DSCAML1: variants seen among roughly 807,000 people sequenced by gnomAD.
The protein encoded by DSCAML1 is cell adhesion molecule DSCAML1.
DSCAML1 carries 38 observed loss-of-function variants against 200.5 expected under a neutral mutation model. The observed-to-expected ratio is 0.19, with a 90% CI of 0.15 to 0.25. The LOEUF (loss-of-function observed/expected upper bound fraction) is 0.25, where lower values mean the gene tolerates loss of function less well. DSCAML1 is among the 10% of genes least tolerant of loss of function. The probability of loss-of-function intolerance (pLI) is 1.00; values close to 1 mark genes in which losing one functional copy is unlikely to be tolerated. For missense variants in DSCAML1, 2,223 were observed against 2,858.8 expected (o/e 0.78, Z 5.07); for synonymous variants, 1,215 against 1,165.0 (o/e 1.04, Z -0.87).
At chr11:117,539,464 C>T (rs530123318) in intron 3 of DSCAML1, among the ~76,000 whole-genome samples, 5 of 151,860 alleles carry the variant, frequency 3.3e-5, no homozygotes, top group Admixed American at 1.3e-4. Context: ...AAAAACTAGC[C>T]GGGCCTGGTG....
Position 117,439,926 on chromosome 11 carries a change from C to G in DSCAML1, c.3873G>C (p.Lys1291Asn). Residue 1291 changes from lysine to asparagine, a missense_variant, in exon 22 of 33, where the codon AAG becomes AAC. Coordinates refer to ENST00000651296, the MANE Select transcript of DSCAML1 (RefSeq NM_020693.4). The stretch of plus-strand genomic sequence containing the variant: ...TCACGGTGCCCCCAAAGGAGATGAT[C>G]TTTGCTGGGGCTACAGGGAGGAGAG... ...TIEPAGKAPAKIISFGGTVTT... is the reference protein window; with the variant it reads ...TIEPAGKAPANIISFGGTVTT... 1 of 1,614,068 alleles carries G rather than the reference C, an allele frequency of 6.2e-7. No individual in the cohort carries two copies. The highest frequency in any genetic ancestry group is 2.2e-5 in the East Asian group (1 of 44,876).
At chr11:117,600,897 A>G (rs1278648547) in intron 3 of DSCAML1, among the ~76,000 whole-genome samples, 1 of 152,300 alleles carries the variant, frequency 6.6e-6, no homozygotes, top group East Asian at 1.9e-4. Context: ...GGGAGGAAGC[A>G]TAGGGATCCC....
rs1028028477 is a variant in DSCAML1 at position 117,504,448 on chromosome 11, C to G, written c.2183-427G>C. Among the ~76,000 whole-genome samples the G allele has an allele frequency of 6.6e-5, 10 of 152,142 alleles. No homozygotes were observed. The highest frequency in any genetic ancestry group is 2.4e-4 in the African/African-American group (10 of 41,430). ...TCCTCCAAGGGGGCCTTGTGGGCAC[C>G]CCCTGTCCCTCCATTCCCCAGTGTC... On this transcript the variant is annotated intron_variant, in intron 10 of 32. Transcript: ENST00000651296. This position sits in a 1 kb window ranked among gnomAD's most constrained non-coding sequence, Gnocchi z 5.0.
At chr11:117,694,165 G>A (rs11600672) in intron 3 of DSCAML1, among the ~76,000 whole-genome samples, 10,721 of 151,244 alleles carry the variant, frequency 0.071, 403 homozygotes, top group East Asian at 0.14. Flanking sequence ...CACTTTGAGA[G>A]GCTGAGGTGG....
At chr11:117,559,129 A>AAAC (rs1298055256) in intron 3 of DSCAML1, among the ~76,000 whole-genome samples, 1 of 139,260 alleles carries the variant, frequency 7.2e-6, no homozygotes, top group South Asian at 2.6e-4. Flanking sequence ...AAAGACAGAA[A>AAAC]AACAGACACA....
At chr11:117,654,071 T>A (rs1353087653) in intron 3 of DSCAML1, among the ~76,000 whole-genome samples, 1 of 152,242 alleles carries the variant, frequency 6.6e-6, no homozygotes, top group Non-Finnish European at 1.5e-5. Flanking sequence ...AACATTATGC[T>A]AAGTGAAAGA....
intron 3 of DSCAML1, among the ~76,000 whole-genome samples, chr11:117,688,021 T>A (rs1209147452): frequency 6.6e-6 from 1 of 151,930 alleles, no homozygotes; most frequent in Non-Finnish European, 1.5e-5. Context: ...CCATTCCCCG[T>A]GGTCGGCGAC....
At chr11:117,627,810 C>T (rs928356529) in intron 3 of DSCAML1, among the ~76,000 whole-genome samples, 3 of 152,090 alleles carry the variant, frequency 2.0e-5, no homozygotes, top group Non-Finnish European at 2.9e-5. Flanking sequence ...CCTCAGGCCC[C>T]GCTGCCCACA....
chr11:117,531,634 A>T (rs1433563101), intron 4 of DSCAML1, among the ~76,000 whole-genome samples: 1 of 152,150 alleles, frequency 6.6e-6, no homozygotes, highest in Non-Finnish European at 1.5e-5. Flanking sequence ...CTGCAATCCC[A>T]GCACTTTGGG....
At chr11:117,567,425 G>T (rs1321140070) in intron 3 of DSCAML1, among the ~76,000 whole-genome samples, 1 of 152,030 alleles carries the variant, frequency 6.6e-6, no homozygotes, top group Non-Finnish European at 1.5e-5. Context: ...TTGATGGGGT[G>T]GTTTGTTTTT....
intron 3 of DSCAML1, among the ~76,000 whole-genome samples, chr11:117,760,204 A>T (rs2054774889): frequency 6.6e-6 from 1 of 152,226 alleles, no homozygotes; most frequent in Admixed American, 6.5e-5. Context: ...CATACAGAAA[A>T]GCATAAAAAT....
At position 117,769,367 on chromosome 11, in the gene DSCAML1, T is replaced by C. The variant is rs1414266722; in HGVS notation, c.511+7424A>G. Among the ~76,000 whole-genome samples, 7 of 11,840 alleles carry C rather than the reference T, an allele frequency of 5.9e-4. 2 individuals carry two copies. The highest frequency in any genetic ancestry group is 1.3e-3 in the African/African-American group (7 of 5,536). 7.8% of individuals were successfully genotyped at this position (11,840 alleles called of 152,430 possible). A position where few individuals can be genotyped will look rare whatever the true frequency, so the allele number is the denominator to read the frequency against. ...TTTTATATATATTATATATTTTATA[T>C]AATATATATTTTATATATTATATAT... On this transcript the variant is annotated intron_variant, in intron 3 of 32. Transcript: ENST00000651296.
At position 117,636,526 on chromosome 11, in the gene DSCAML1, A is replaced by G. The variant is rs531061085; in HGVS notation, c.512-104004T>C. Among the ~76,000 whole-genome samples the G allele has an allele frequency of 2.0e-5, 3 of 152,316 alleles. No individual in the cohort carries two copies. In the East Asian group the frequency reaches 5.8e-4, roughly 29 times the overall value. ...GGCTCTATCCTAGGCAGGCCAGAAT[A>G]GGAGGCCCATGCCCCACAGACACCA... On this transcript the variant is annotated intron_variant, in intron 3 of 32. Coordinates refer to ENST00000651296, the MANE Select transcript of DSCAML1 (RefSeq NM_020693.4).
chr11:117,586,611 G>A (rs967824063), intron 3 of DSCAML1, among the ~76,000 whole-genome samples: 1 of 152,206 alleles, frequency 6.6e-6, no homozygotes, highest in Non-Finnish European at 1.5e-5. Context: ...GACAGGAGGC[G>A]GGAAGCAGGA....
rs57960327 is a variant in DSCAML1, at chr11:117,532,151, A to G, written c.658+225T>C. On this transcript the variant is annotated intron_variant, in intron 4 of 32. Coordinates refer to ENST00000651296, the MANE Select transcript of DSCAML1 (RefSeq NM_020693.4). ...AAAGACAAAAAAAAAAGGAAAAAAAAGGGAAAAAGAGGGTGAGTCTCGTAG... is the reference window on the plus strand; with the variant it reads ...AAAGACAAAAAAAAAAGGAAAAAAAGGGGAAAAAGAGGGTGAGTCTCGTAG... Among the ~76,000 whole-genome samples the G allele has an allele frequency of 3.4e-3, 484 of 142,446 alleles. 7 individuals carry two copies. Among genetic ancestry groups the G allele is most frequent in the African/African-American group, 0.012 (448 of 36,568 alleles). The allele number at this position is 142,446 out of a possible 152,430, so 93.5% of individuals were successfully genotyped here.
At chr11:117,515,000 CAATGTGAG>C (rs1329015811) in intron 8 of DSCAML1, among the ~76,000 whole-genome samples, 114 of 152,354 alleles carry the variant, frequency 7.5e-4, no homozygotes, top group African/African-American at 2.6e-3. Context: ...GAGCATGGAG[CAATGTGAG>C]AGGCACACAG....
chr11:117,671,793 CAT>C (rs974904908), intron 3 of DSCAML1, among the ~76,000 whole-genome samples: 6 of 152,144 alleles, frequency 3.9e-5, no homozygotes, highest in Admixed American at 1.3e-4. Flanking sequence ...GACTTTATCT[CAT>C]AGCATTGCAG....
intron 3 of DSCAML1, among the ~76,000 whole-genome samples, chr11:117,733,606 T>G (rs1412978706): frequency 6.6e-6 from 1 of 152,106 alleles, no homozygotes; most frequent in Non-Finnish European, 1.5e-5. Context: ...GAAGGAAGCA[T>G]TAGTTGGGGT....
chr11:117,429,671 A>G (rs904495832), intron 32 of DSCAML1, among the ~76,000 whole-genome samples: 10 of 152,100 alleles, frequency 6.6e-5, no homozygotes, highest in Middle Eastern at 3.4e-3. Context: ...GCCGCACCCA[A>G]CCTAGTTCCT....
Sources: gnomAD v4.1 joint callset for allele counts (sites outside exome capture counted in the v4.1 genomes callset) on GRCh38, gnomAD v4.1.1 for gene constraint, Gnocchi (gnomAD v3.1) non-coding constraint, MANE v1.5 for transcripts, NCBI Gene and HGNC (gene_info 2026-07-23, HGNC 2026-07-21) for gene names.